The following CEACAM21 variants were observed in gnomAD, a reference collection of about 807,000 sequenced individuals.
CEACAM21 encodes the protein cell adhesion molecule CEACAM21.
CEACAM21 carries 38 observed loss-of-function variants against 33.2 expected under a neutral mutation model. The observed-to-expected ratio is 1.14, with a 90% confidence interval of 0.88 to 1.50. CEACAM21 has a LOEUF of 1.50. Among genes scored for constraint, CEACAM21 ranks in the 40% most tolerant of loss-of-function variants. The pLI, the probability that CEACAM21 is intolerant of heterozygous loss-of-function variation, is 0.00. For missense variants in CEACAM21, 385 were observed against 364.6 expected, an observed-to-expected ratio of 1.06 and a Z score of -0.46; for synonymous variants, 156 against 143.0, an observed-to-expected ratio of 1.09 and a Z score of -0.65.
At chr19:41,550,451 G>T (rs1555783922) in intron 1 of CEACAM21, 1 of 152,142 alleles carries the variant, frequency 6.6e-6, no homozygotes, top group Admixed American at 6.5e-5. Flanking sequence ...CAAAATATAA[G>T]AACCCAGTTT....
At chr19:41,554,269 T>C (rs1191495734) in intron 1 of CEACAM21, among the ~76,000 whole-genome samples, 1 of 152,040 alleles carries the variant, frequency 6.6e-6, no homozygotes, top group East Asian at 1.9e-4. Context: ...GAGCACCTGT[T>C]AGGGCTTTAT....
rs781868724 is a variant in CEACAM21, at chr19:41,577,380, A to G, written c.245A>G (p.Tyr82Cys). ...GAGCCCAACCAGCTAATCGCAGCATATGTAATAGACACTCACGTTAGGACT... is the reference window on the plus strand; with the variant it reads ...GAGCCCAACCAGCTAATCGCAGCATGTGTAATAGACACTCACGTTAGGACT... ...TVEPNQLIAAYVIDTHVRTPG... is the reference protein window; with the variant it reads ...TVEPNQLIAACVIDTHVRTPG... The change falls in exon 2 of 7, where the codon TAT (tyrosine) becomes TGT (cysteine). Residue 82 changes from tyrosine to cysteine, a missense_variant. By Grantham distance (194) the Tyr-to-Cys change is radical. Transcript: ENST00000401445. 17 of 1,612,784 alleles carry G rather than the reference A, an allele frequency of 1.1e-5. No homozygotes were observed. In the South Asian group the frequency reaches 1.1e-4, roughly 10 times the overall value.
intron 6 of CEACAM21, 21 bp downstream of exon 6, chr19:41,585,892 T>G: frequency 6.2e-7 from 1 of 1,611,946 alleles, no homozygotes; most frequent in East Asian, 2.2e-5. Context: ...CCGTTCCCAA[T>G]CCCATTTCCA....
At chr19:41,554,709 G>T (rs1249849753) in intron 1 of CEACAM21, among the ~76,000 whole-genome samples, 3 of 151,846 alleles carry the variant, frequency 2.0e-5, no homozygotes, top group Non-Finnish European at 4.4e-5. Context: ...CATTTTTATA[G>T]ACTTTCTATA....
chr19:41,585,374 T>C lies in CEACAM21; in HGVS notation c.798-69T>C, dbSNP rs2070652726. ...TCTTGGAAATAGGCTCCTTTCCTGG[T>C]CCCCTATTTTAACTCCAATTTGTGA... On this transcript the variant is annotated intron_variant, in intron 4 of 6. Coordinates refer to ENST00000401445, the MANE Select transcript of CEACAM21 (RefSeq NM_001098506.4). The C allele has an allele frequency of 5.3e-6, 8 of 1,512,524 alleles. No individual in the cohort carries two copies. The Admixed American group carries it at 1.3e-4, about 25-fold the overall frequency. 93.7% of individuals were successfully genotyped at this position (1,512,524 alleles called of 1,614,324 possible).
chr19:41,580,902 G>A (rs1555793293), intron 3 of CEACAM21, among the ~76,000 whole-genome samples: 1 of 152,190 alleles, frequency 6.6e-6, no homozygotes, highest in Non-Finnish European at 1.5e-5. Flanking sequence ...ATCCTACCTG[G>A]GTCAGTGACC....
intron 1 of CEACAM21, among the ~76,000 whole-genome samples, chr19:41,555,672 G>A (rs2041485535): frequency 6.7e-6 from 1 of 149,674 alleles, no homozygotes; most frequent in Admixed American, 6.6e-5. Flanking sequence ...TTTCCACACT[G>A]CACAATGCTG....
At chr19:41,555,320 T>C (rs1235516140) in intron 1 of CEACAM21, 1 of 151,234 alleles carries the variant, frequency 6.6e-6, no homozygotes, top group African/African-American at 2.4e-5. Context: ...TTTTTTTTTT[T>C]TTCTTTGCAA....
chr19:41,563,754 AG>A (rs1225818263), intron 1 of CEACAM21, among the ~76,000 whole-genome samples: 5 of 152,226 alleles, frequency 3.3e-5, no homozygotes, highest in Admixed American at 1.3e-4. Flanking sequence ...GTGAAGGGCA[AG>A]GGGGTGGTCC....
rs2122252209 is a variant in CEACAM21 at position 41,579,737 on chromosome 19, T to A, written c.700+109T>A. 5 of 776,970 alleles carry A rather than the reference T, an allele frequency of 6.4e-6. No individual in the cohort carries two copies. The East Asian group carries it at 8.1e-5, about 13-fold the overall frequency. 48.1% of individuals were successfully genotyped at this position (776,970 alleles called of 1,614,324 possible). A position where few individuals can be genotyped will look rare whatever the true frequency, so the allele number is the denominator to read the frequency against. The stretch of plus-strand genomic sequence containing the variant: ...AGAAGGATGAGATTCCTTCAGAGCC[T>A]GGGGAGCAATGTGGGTAAGAACTCA... On this transcript the variant is annotated intron_variant, in intron 3 of 6. Coordinates refer to ENST00000401445, the MANE Select transcript of CEACAM21 (RefSeq NM_001098506.4).
At chr19:41,562,043 C>G (rs1361484217) in intron 1 of CEACAM21, among the ~76,000 whole-genome samples, 3 of 152,082 alleles carry the variant, frequency 2.0e-5, no homozygotes, top group Non-Finnish European at 2.9e-5. Context: ...GTCAGGAGTT[C>G]GAGACCAGCC....
At chr19:41,560,476 G>A (rs573442665) in intron 1 of CEACAM21, among the ~76,000 whole-genome samples, 2 of 152,264 alleles carry the variant, frequency 1.3e-5, no homozygotes, top group East Asian at 3.9e-4. Flanking sequence ...CTCCATTAGG[G>A]CTGGTTTCTT....
chr19:41,551,208 G>A (rs1555784124), intron 1 of CEACAM21: 1 of 145,448 alleles, frequency 6.9e-6, no homozygotes, highest in Non-Finnish European at 1.5e-5. Context: ...TGCCCAGGCT[G>A]GAGTGTAATG....
At position 41,576,168 on chromosome 19, in the gene CEACAM21, AGAGG is replaced by A; in HGVS notation, c.-106_-103del. ...TCCTGCCTGAGAGGAAGCTCAGCATAGAGGAAGGAAGGACAGCAGAGACAACAGT... is the reference window on the plus strand; with the variant it reads ...TCCTGCCTGAGAGGAAGCTCAGCATAAAGGAAGGACAGCAGAGACAACAGT... On this transcript the variant is annotated 5_prime_UTR_variant, in exon 1 of 7. Coordinates refer to ENST00000401445, the MANE Select transcript of CEACAM21 (RefSeq NM_001098506.4). 7.5e-7 allele frequency: 1 copy of A among 1,331,392 alleles called. No individual in the cohort carries two copies. The highest frequency in any genetic ancestry group is 1.1e-6 in the Non-Finnish European group (1 of 940,112). The allele number at this position is 1,331,392 out of a possible 1,614,324, so 82.5% of individuals were successfully genotyped here.
chr19:41,584,727 C>T lies in CEACAM21; in HGVS notation c.797+284C>T, dbSNP rs114252198. Among the ~76,000 whole-genome samples the T allele has an allele frequency of 1.8e-3, 281 of 152,248 alleles. 3 individuals carry two copies. Among genetic ancestry groups the T allele is most frequent in the African/African-American group, 6.2e-3 (257 of 41,548 alleles). On this transcript the variant is annotated intron_variant, in intron 4 of 6. Coordinates refer to ENST00000401445, the MANE Select transcript of CEACAM21 (RefSeq NM_001098506.4). ...CACAGCTGCCTGGAGCAGGGGGGAG[C>T]GGTGCTCAATACCTGGTACCTCCCC...
intron 1 of CEACAM21, among the ~76,000 whole-genome samples, chr19:41,553,122 C>T (rs190560885): frequency 1.3e-5 from 2 of 152,012 alleles, no homozygotes; most frequent in East Asian, 3.9e-4. Context: ...TCCAGTTACC[C>T]TTTTTTGTTG....
Position 41,557,435 on chromosome 19 carries a change from T to C in CEACAM21, c.-778-7247T>C, listed in dbSNP as rs1555785804. ...CAATTTGGAGATTCAGGAGGTATTA[T>C]ATTGTAGTTGGTAAATCAATTGTGA... On this transcript the variant is annotated intron_variant, in intron 1 of 7. Coordinates refer to the CEACAM21 transcript ENST00000407170. Among the ~76,000 whole-genome samples the C allele has an allele frequency of 2.0e-5, 3 of 152,184 alleles. No homozygotes were observed. In the East Asian group the frequency reaches 5.8e-4, roughly 29 times the overall value.
At chr19:41,573,768 G>A (rs965425354), upstream of CEACAM21, among the ~76,000 whole-genome samples, 3 of 152,068 alleles carry the variant, frequency 2.0e-5, no homozygotes, top group Admixed American at 1.3e-4. Context: ...AAAGAAAGTG[G>A]GAATAATTTA....
In CEACAM21 at chr19:41,577,344, G is replaced by A; in HGVS notation, c.209G>A (p.Gly70Glu). The change falls in exon 2 of 7, where the codon GGG becomes GAG. Residue 70 changes from glycine to glutamate, a missense_variant. Gly to Glu is a moderately conservative substitution (Grantham distance 98). Coordinates refer to ENST00000401445, the MANE Select transcript of CEACAM21 (RefSeq NM_001098506.4). ...ENLYSYGWYK[G>E]KTVEPNQLIA... Reference sequence around the variant, plus strand: ...CTTTACAGCTATGGCTGGTACAAAGGGAAAACGGTGGAGCCCAACCAGCTA... The same window carrying A: ...CTTTACAGCTATGGCTGGTACAAAGAGAAAACGGTGGAGCCCAACCAGCTA... 1.2e-6 allele frequency: 2 copies of A among 1,613,990 alleles called. No individual in the cohort carries two copies. The highest frequency in any genetic ancestry group is 1.7e-6 in the Non-Finnish European group (2 of 1,179,988).
Sources: allele counts gnomAD v4.1 joint callset (sites outside exome capture counted in the v4.1 genomes callset), GRCh38; gene constraint gnomAD v4.1.1; transcripts MANE v1.5; gene names NCBI Gene and HGNC (gene_info 2026-07-23, HGNC 2026-07-21).